SLC60A1: variants seen among roughly 807,000 people sequenced by gnomAD.
The protein encoded by SLC60A1 is major facilitator superfamily domain containing 4.
chr1:205,584,558 A>AG, the SLC60A1 span, among the ~76,000 whole-genome samples: 1 of 110,430 alleles, frequency 9.1e-6, no homozygotes, highest in African/African-American at 3.9e-5. Flanking sequence ...TAAAAAAAAA[A>AG]AAAAAAAAGA....
the SLC60A1 span, among the ~76,000 whole-genome samples, chr1:205,574,309 G>A: frequency 6.6e-6 from 1 of 151,918 alleles, no homozygotes; most frequent in Non-Finnish European, 1.5e-5. Flanking sequence ...GCTGGGCATG[G>A]TGGTGCACAC....
At chr1:205,593,435 C>A in the SLC60A1 span, among the ~76,000 whole-genome samples, 1 of 47,864 alleles carries the variant, frequency 2.1e-5, no homozygotes, top group Admixed American at 1.9e-4. Flanking sequence ...GCCTGGGCGA[C>A]AGGGCGAGAC....
the SLC60A1 span, among the ~76,000 whole-genome samples, chr1:205,572,491 C>A: frequency 6.6e-6 from 1 of 152,028 alleles, no homozygotes. Context: ...CCTCAAATTC[C>A]TCCTAATCTG....
At chr1:205,578,615 G>A in the SLC60A1 span, among the ~76,000 whole-genome samples, 4 of 152,352 alleles carry the variant, frequency 2.6e-5, no homozygotes, top group African/African-American at 7.2e-5. Context: ...AGATGGCTGA[G>A]GGCCAAGGCC....
At chr1:205,579,604 T>C in the SLC60A1 span, 4 of 880,572 alleles carry the variant, frequency 4.5e-6, no homozygotes, top group Admixed American at 6.2e-5. Flanking sequence ...CCACAGCTAA[T>C]AAGTGAGCAG....
At chr1:205,584,177 G>C in the SLC60A1 span, 1 of 1,524,520 alleles carries the variant, frequency 6.6e-7, no homozygotes, top group Admixed American at 1.8e-5. Context: ...GGCTTCCTTG[G>C]TAACCCCTCT....
At chr1:205,586,205 G>A in the SLC60A1 span, 11 of 1,613,164 alleles carry the variant, frequency 6.8e-6, no homozygotes, top group Admixed American at 5.0e-5. Flanking sequence ...TTTCATCAAC[G>A]TGGTAAGCAG....
the SLC60A1 span, among the ~76,000 whole-genome samples, chr1:205,592,733 G>A: frequency 6.6e-6 from 1 of 152,144 alleles, no homozygotes; most frequent in South Asian, 2.1e-4. Flanking sequence ...CCGTAATGAT[G>A]GGATTTTAGG....
At chr1:205,583,117 C>T in the SLC60A1 span, among the ~76,000 whole-genome samples, 3 of 152,146 alleles carry the variant, frequency 2.0e-5, no homozygotes, top group Non-Finnish European at 2.9e-5. Context: ...AGACTTGATG[C>T]GGTACTTCCT....
At chr1:205,584,562 A>G in the SLC60A1 span, among the ~76,000 whole-genome samples, 114 of 133,672 alleles carry the variant, frequency 8.5e-4, 1 homozygote, top group African/African-American at 1.6e-3. Context: ...AAAAAAAAAA[A>G]AAAAGAAAAT....
At chr1:205,594,377 T>C in the SLC60A1 span, among the ~76,000 whole-genome samples, 97,995 of 152,192 alleles carry the variant, frequency 0.64, 32,210 homozygotes, top group African/African-American at 0.71. Context: ...TAAGTGAGGC[T>C]GGGTGCAGTG....
the SLC60A1 span, among the ~76,000 whole-genome samples, chr1:205,572,067 C>T: frequency 1.8e-4 from 27 of 151,950 alleles, no homozygotes; most frequent in African/African-American, 5.1e-4. Context: ...GGGAGGACTA[C>T]GTGTGGAAGG....
chr1:205,580,436 G>C, the SLC60A1 span, among the ~76,000 whole-genome samples: 2 of 152,176 alleles, frequency 1.3e-5, no homozygotes, highest in Admixed American at 1.3e-4. The surrounding 1 kb of genome is among the most constrained non-coding windows in gnomAD (Gnocchi z 5.0). Context: ...CAGGCTGGCA[G>C]GGTGGTTGAG....
chr1:205,577,404 A>G, the SLC60A1 span, among the ~76,000 whole-genome samples: 1 of 152,160 alleles, frequency 6.6e-6, no homozygotes, highest in African/African-American at 2.4e-5. The surrounding 1 kb of genome is among the most constrained non-coding windows in gnomAD (Gnocchi z 5.2). Context: ...AGAGCCGAAC[A>G]TGGGGCCAGG....
chr1:205,596,064 T>A, the SLC60A1 span, among the ~76,000 whole-genome samples: 1 of 151,960 alleles, frequency 6.6e-6, no homozygotes, highest in East Asian at 1.9e-4. Flanking sequence ...CAGAGACAAG[T>A]CTGAACATAA....
At chr1:205,582,409 G>A in the SLC60A1 span, among the ~76,000 whole-genome samples, 1 of 152,202 alleles carries the variant, frequency 6.6e-6, no homozygotes. Context: ...GGGTGCACAC[G>A]CACACACACA....
chr1:205,597,020 G>A, the SLC60A1 span, among the ~76,000 whole-genome samples: 1 of 152,202 alleles, frequency 6.6e-6, no homozygotes, highest in African/African-American at 2.4e-5. Flanking sequence ...GGCTCTGAAG[G>A]TGTGCACCAC....
the SLC60A1 span, among the ~76,000 whole-genome samples, chr1:205,593,500 G>T: frequency 2.0e-5 from 3 of 151,516 alleles, no homozygotes; most frequent in Middle Eastern, 3.2e-3. Context: ...AGAGAGGAGT[G>T]GGGGAAGTTG....
At chr1:205,571,499 A>G in the SLC60A1 span, among the ~76,000 whole-genome samples, 1 of 152,274 alleles carries the variant, frequency 6.6e-6, no homozygotes, top group South Asian at 2.1e-4. Context: ...GGGGTGGGGT[A>G]GATCCTATCA....
Sources: gnomAD v4.1 joint callset for allele counts (sites outside exome capture counted in the v4.1 genomes callset) on GRCh38, gnomAD v4.1.1 for gene constraint, Gnocchi (gnomAD v3.1) non-coding constraint, MANE v1.5 for transcripts, NCBI Gene and HGNC (gene_info 2026-07-23, HGNC 2026-07-21) for gene names.